The following PSKH1 variants were observed in gnomAD, a reference collection of about 807,000 sequenced individuals.
PSKH1 encodes protein serine kinase H1, also known as serine/threonine-protein kinase H1.
Under a neutral mutation model 26.7 loss-of-function variants are expected in PSKH1, and 12 were observed. The ratio of observed to expected loss-of-function variants is 0.45; its 90% CI spans 0.29 to 0.73. PSKH1 has a LOEUF of 0.73. Among genes scored for constraint, PSKH1 ranks in the 30% least tolerant of loss-of-function variants. The probability of loss-of-function intolerance (pLI) is 0.11; values close to 1 mark genes in which losing one functional copy is unlikely to be tolerated. For synonymous variants in PSKH1, 213 were observed against 234.3 expected, an observed-to-expected ratio of 0.91 and a Z score of 0.83; for missense variants, 431 against 595.2, an observed-to-expected ratio of 0.72 and a Z score of 2.87.
intron 2 of PSKH1, among the ~76,000 whole-genome samples, chr16:67,915,208 A>T (rs376838555): frequency 8.8e-4 from 127 of 143,982 alleles, no homozygotes; most frequent in African/African-American, 1.9e-3. Context: ...AGAGAGAGAG[A>T]GTGTGTGTGT....
chr16:67,911,905 G>C (rs1428651339), intron 2 of PSKH1, among the ~76,000 whole-genome samples: 1 of 152,228 alleles, frequency 6.6e-6, no homozygotes, highest in Non-Finnish European at 1.5e-5. Context: ...TCCTCCTGAG[G>C]CTGACTCTGT....
intron 2 of PSKH1, among the ~76,000 whole-genome samples, chr16:67,925,640 C>T (rs2058214110): frequency 6.6e-6 from 1 of 152,164 alleles, no homozygotes; most frequent in Non-Finnish European, 1.5e-5. Context: ...CCTGACTTTC[C>T]TCCTCCTGGG....
intron 1 of PSKH1, among the ~76,000 whole-genome samples, chr16:67,897,810 C>T (rs1334606873): frequency 6.6e-6 from 1 of 152,158 alleles, no homozygotes; most frequent in Non-Finnish European, 1.5e-5. Flanking sequence ...CCTCAGCCTC[C>T]TGAGTGGCTG....
chr16:67,895,848 G>A (rs1347191805), intron 1 of PSKH1, among the ~76,000 whole-genome samples: 1 of 152,202 alleles, frequency 6.6e-6, no homozygotes, highest in African/African-American at 2.4e-5. Flanking sequence ...GTGGTCTCAT[G>A]CCTAGAAGCA....
At position 67,909,194 on chromosome 16, in the gene PSKH1, C is replaced by T. The variant is rs373245459; in HGVS notation, c.445C>T (p.Arg149Trp). 10 of 1,614,104 alleles carry T rather than the reference C, an allele frequency of 6.2e-6. No individual in the cohort carries two copies. Among genetic ancestry groups the T allele is most frequent in the Non-Finnish European group, 8.5e-6 (10 of 1,180,034 alleles). Residue 149 changes from arginine (R) to tryptophan (W), a missense_variant, in exon 2 of 3, where the codon CGG becomes TGG. Arg to Trp is a moderately radical substitution (Grantham distance 101). Transcript: ENST00000291041. This position sits in a 1 kb window ranked among gnomAD's most constrained non-coding sequence, Gnocchi z 7.8. ...VCESELRVLR[R>W]VRHANIIQLV... The stretch of plus-strand genomic sequence containing the variant: ...TGAGTCGGAGCTGCGTGTGCTGCGT[C>T]GGGTGCGTCATGCCAACATCATCCA...
intron 1 of PSKH1, among the ~76,000 whole-genome samples, chr16:67,907,507 C>T (rs564663329): frequency 3.2e-4 from 48 of 152,270 alleles, no homozygotes; most frequent in African/African-American, 1.0e-3. Flanking sequence ...GTGATCTGCC[C>T]GCCTCGGCCT....
chr16:67,923,835 A>C (rs965313870), intron 2 of PSKH1, among the ~76,000 whole-genome samples: 1 of 152,212 alleles, frequency 6.6e-6, no homozygotes, highest in Non-Finnish European at 1.5e-5. Context: ...CCTGCTTAGA[A>C]TGCTTCCCAG....
At chr16:67,893,458 C>T (rs1051044336) in intron 1 of PSKH1, 87 bp downstream of exon 1, 1 of 152,452 alleles carries the variant, frequency 6.6e-6, no homozygotes, top group East Asian at 1.9e-4. Flanking sequence ...CGCTCCGGGG[C>T]CTGCCCCTGG....
At chr16:67,897,829 G>A (rs2058130670) in intron 1 of PSKH1, among the ~76,000 whole-genome samples, 1 of 151,990 alleles carries the variant, frequency 6.6e-6, no homozygotes, top group South Asian at 2.1e-4. Flanking sequence ...TGGGACTACA[G>A]GCACACAGCA....
At position 67,908,926 on chromosome 16, in the gene PSKH1, A is replaced by C. The variant is rs541296623; in HGVS notation, c.177A>C (p.Ala59=). 6.2e-7 allele frequency: 1 copy of C among 1,614,086 alleles called. No individual in the cohort carries two copies. The highest frequency in any genetic ancestry group is 1.3e-5 in the African/African-American group (1 of 75,040). Residue 59 remains alanine, a synonymous_variant, in exon 2 of 3, where the codon GCA becomes GCC. Coordinates refer to ENST00000291041, the MANE Select transcript of PSKH1 (RefSeq NM_006742.3). ...GGTTCCCAGCAGCAAGTCAGTATGC[A>C]CACCCCTGCCCCGGTCCCCCGACTG... ...KAGFPAASQY[A]HPCPGPPTAG... is the part of the protein sequence containing the mutation.
chr16:67,911,724 C>T (rs2058173969), intron 2 of PSKH1, among the ~76,000 whole-genome samples: 1 of 152,238 alleles, frequency 6.6e-6, no homozygotes, highest in African/African-American at 2.4e-5. Context: ...ACACCACTTA[C>T]TTTGCCTTTA....
chr16:67,905,799 C>T (rs1043935979), intron 1 of PSKH1, among the ~76,000 whole-genome samples: 1 of 152,102 alleles, frequency 6.6e-6, no homozygotes, highest in Non-Finnish European at 1.5e-5. Flanking sequence ...GCAGAGGCTG[C>T]AGTTAGCTGA....
chr16:67,894,987 G>A (rs893157904), intron 1 of PSKH1, among the ~76,000 whole-genome samples: 7 of 149,080 alleles, frequency 4.7e-5, no homozygotes, highest in African/African-American at 7.5e-5. Flanking sequence ...GCAATGGCGC[G>A]ATCTTGGCTC....
chr16:67,927,988 G>A lies in PSKH1; in HGVS notation c.*346G>A. On this transcript the variant is annotated 3_prime_UTR_variant, in exon 3 of 3. Transcript: ENST00000291041. This position sits in a 1 kb window ranked among gnomAD's most constrained non-coding sequence, Gnocchi z 5.5. Reference sequence around the variant, plus strand: ...GCCCTTTGACTTTTCCCCAATCAAAGGGAACTGCAGTGCTGGGTGGAGTGT... The same window carrying A: ...GCCCTTTGACTTTTCCCCAATCAAAAGGAACTGCAGTGCTGGGTGGAGTGT... 3.2e-6 allele frequency: 1 copy of A among 308,000 alleles called. No homozygotes were observed. Among genetic ancestry groups the A allele is most frequent in the Non-Finnish European group, 6.1e-6 (1 of 163,304 alleles). The allele number at this position is 308,000 out of a possible 1,614,324, so 19.1% of individuals were successfully genotyped here.
At chr16:67,907,184 C>T (rs945616328) in intron 1 of PSKH1, among the ~76,000 whole-genome samples, 2 of 151,350 alleles carry the variant, frequency 1.3e-5, no homozygotes, top group East Asian at 2.0e-4. Flanking sequence ...AGGATAGTCT[C>T]GATCTCCTGA....
At chr16:67,906,374 T>G (rs2058156123) in intron 1 of PSKH1, among the ~76,000 whole-genome samples, 1 of 150,866 alleles carries the variant, frequency 6.6e-6, no homozygotes, top group African/African-American at 2.4e-5. Flanking sequence ...GCCCAGCCTT[T>G]TTTTTTTTTT....
intron 1 of PSKH1, among the ~76,000 whole-genome samples, chr16:67,894,886 G>C (rs1376110946): frequency 6.7e-6 from 1 of 149,696 alleles, no homozygotes. Context: ...GGATAATTTT[G>C]TGATACAAAA....
chr16:67,895,923 A>G (rs1350546402), intron 1 of PSKH1, among the ~76,000 whole-genome samples: 2 of 152,150 alleles, frequency 1.3e-5, no homozygotes, highest in African/African-American at 2.4e-5. Context: ...GAGGTTCTCT[A>G]AGTCCTAATT....
At chr16:67,914,130 C>T (rs1301013406) in intron 2 of PSKH1, among the ~76,000 whole-genome samples, 1 of 151,980 alleles carries the variant, frequency 6.6e-6, no homozygotes. Flanking sequence ...TGGAGAACCA[C>T]GTGAAGTTGT....
Sources: gnomAD v4.1 joint callset for allele counts (sites outside exome capture counted in the v4.1 genomes callset) on GRCh38, gnomAD v4.1.1 for gene constraint, Gnocchi (gnomAD v3.1) non-coding constraint, MANE v1.5 for transcripts, NCBI Gene and HGNC (gene_info 2026-07-23, HGNC 2026-07-21) for gene names.